Variants in CD200R1 observed in about 807,000 individuals in gnomAD.
CD200R1 encodes CD200 receptor 1.
A neutral mutation model predicts 38.1 loss-of-function variants in CD200R1; 30 were observed. The ratio of observed to expected loss-of-function variants is 0.79; its 90% CI spans 0.59 to 1.07. CD200R1 has a LOEUF of 1.07. CD200R1 is among the 50% of genes least tolerant of loss of function. The probability of loss-of-function intolerance (pLI) is 0.00; values close to 1 mark genes in which losing one functional copy is unlikely to be tolerated. For missense variants in CD200R1, 372 were observed against 415.4 expected (o/e 0.90, Z 0.91); for synonymous variants, 128 against 152.1 (o/e 0.84, Z 1.16).
chr3:112,965,026 T>C (rs1576154080), intron 1 of CD200R1, among the ~76,000 whole-genome samples: 1 of 152,218 alleles, frequency 6.6e-6, no homozygotes, highest in Admixed American at 6.5e-5. Context: ...ACCATTATTA[T>C]AAGACCTTCC....
chr3:112,924,355 A>T, intron 7 of CD200R1, 135 bp downstream of exon 7: 1 of 480,692 alleles, frequency 2.1e-6, no homozygotes. Flanking sequence ...GTAATCACAC[A>T]TATAAGCACT....
chr3:112,945,620 G>GTTAT (rs1940830957), intron 2 of CD200R1, among the ~76,000 whole-genome samples: 2 of 152,132 alleles, frequency 1.3e-5, no homozygotes, highest in Non-Finnish European at 2.9e-5. Flanking sequence ...GGTAACATAA[G>GTTAT]AGAAAGTCCA....
In CD200R1 at chr3:112,925,139, A is replaced by G. The variant is rs767945630; in HGVS notation, c.824T>C (p.Ile275Thr). 6.2e-6 allele frequency: 10 copies of G among 1,608,278 alleles called. No homozygotes were observed. In the South Asian group the frequency reaches 9.9e-5, roughly 16 times the overall value. ...KLYIPYIILTIIILTIVGFIW... is the reference protein window; with the variant it reads ...KLYIPYIILTTIILTIVGFIW... ...GAATCCCACGATGGTCAAAATAATA[A>G]TAGTAAGGATGATATATGGAATATA... Residue 275 changes from isoleucine to threonine, a missense_variant, in exon 6 of 8, where the codon ATT (isoleucine) becomes ACT (threonine). Coordinates refer to ENST00000308611, the MANE Select transcript of CD200R1 (RefSeq NM_138806.4).
At chr3:112,962,341 T>C (rs1933043502) in intron 1 of CD200R1, among the ~76,000 whole-genome samples, 1 of 152,338 alleles carries the variant, frequency 6.6e-6, no homozygotes, top group East Asian at 1.9e-4. Context: ...TGAATACATA[T>C]GCATATTAAC....
At chr3:112,929,141 C>T (rs9868053) in intron 4 of CD200R1, 49 bp downstream of exon 4, 889,337 of 1,611,224 alleles carry the variant, frequency 0.55, 247,900 homozygotes, top group East Asian at 0.7. Context: ...CATTTGTTTC[C>T]GTCACAAATC....
In CD200R1 at chr3:112,921,289, C is replaced by T. The variant is rs538861730; in HGVS notation, c.*2388G>A. The T allele has an allele frequency of 2.6e-5, 4 of 152,042 alleles. No individual in the cohort carries two copies. Among genetic ancestry groups the T allele is most frequent in the East Asian group, 1.9e-4 (1 of 5,162 alleles). The allele number at this position is 152,042 out of a possible 1,614,324, so 9.4% of individuals were successfully genotyped here. ...AAACTATGTCAACATTTACCAAAGT[C>T]CACATTTTAAATATGTGCAAAATTT... On this transcript the variant is annotated 3_prime_UTR_variant, in exon 8 of 8. Transcript: ENST00000308611.
At chr3:112,926,705 G>C (rs748981613) in intron 5 of CD200R1, among the ~76,000 whole-genome samples, 4 of 152,016 alleles carry the variant, frequency 2.6e-5, no homozygotes, top group Non-Finnish European at 4.4e-5. Flanking sequence ...TATAAATAAA[G>C]GTGGTTTCAA....
In CD200R1 at chr3:112,925,072, C is replaced by T. The variant is rs1482718485; in HGVS notation, c.878+13G>A. The T allele has an allele frequency of 6.2e-6, 9 of 1,449,964 alleles. No individual in the cohort carries two copies. The highest frequency in any genetic ancestry group is 8.7e-6 in the Non-Finnish European group (9 of 1,033,304). The allele number at this position is 1,449,964 out of a possible 1,614,324, so 89.8% of individuals were successfully genotyped here. A position where few individuals can be genotyped will look rare whatever the true frequency, so the allele number is the denominator to read the frequency against. ...TAAAGCTGAAGAAGAAAAAAACATT[C>T]ATTAGTCAATACCTGCAGCCATTGA... is the stretch of plus-strand genomic sequence containing the variant. On this transcript the variant is annotated intron_variant, in intron 6 of 7. Coordinates refer to ENST00000308611, the MANE Select transcript of CD200R1 (RefSeq NM_138806.4).
intron 1 of CD200R1, among the ~76,000 whole-genome samples, chr3:112,972,699 C>T (rs1311627134): frequency 6.6e-6 from 1 of 152,022 alleles, no homozygotes; most frequent in Non-Finnish European, 1.5e-5. Flanking sequence ...TTACTAACTG[C>T]CAAGCTGCTT....
At chr3:112,938,820 G>T (rs1940647073) in intron 2 of CD200R1, among the ~76,000 whole-genome samples, 1 of 151,666 alleles carries the variant, frequency 6.6e-6, no homozygotes, top group Non-Finnish European at 1.5e-5. Context: ...AACCAGATAA[G>T]ACACAGCAAA....
intron 2 of CD200R1, among the ~76,000 whole-genome samples, chr3:112,941,780 T>G (rs965271827): frequency 6.6e-6 from 1 of 151,588 alleles, no homozygotes; most frequent in Non-Finnish European, 1.5e-5. Context: ...CACCTAGATG[T>G]ATTATTTTCA....
intron 1 of CD200R1, among the ~76,000 whole-genome samples, chr3:112,972,974 C>CT (rs1188080203): frequency 6.6e-6 from 1 of 152,094 alleles, no homozygotes; most frequent in Non-Finnish European, 1.5e-5. Flanking sequence ...AAGTAATATG[C>CT]TTTTTTAAAT....
At chr3:112,929,546 A>G in intron 3 of CD200R1, 39 bp from the exon 4 acceptor site, 1 of 1,532,072 alleles carries the variant, frequency 6.5e-7, no homozygotes, top group Non-Finnish European at 8.8e-7. Context: ...AAAGCTTGAT[A>G]AAGAACTTCA....
chr3:112,940,018 A>G (rs1025440785), intron 2 of CD200R1, among the ~76,000 whole-genome samples: 1 of 151,926 alleles, frequency 6.6e-6, no homozygotes, highest in Admixed American at 6.6e-5. Flanking sequence ...ATTAGTCCAC[A>G]TATATACAGT....
chr3:112,940,240 A>G (rs1940697504), intron 2 of CD200R1, among the ~76,000 whole-genome samples: 1 of 151,866 alleles, frequency 6.6e-6, no homozygotes, highest in South Asian at 2.1e-4. Flanking sequence ...CCGATGAAAT[A>G]CTTCAGGACA....
At chr3:112,925,011 G>A (rs548879241) in intron 6 of CD200R1, 74 bp downstream of exon 6, 9 of 859,462 alleles carry the variant, frequency 1.0e-5, no homozygotes, top group African/African-American at 1.7e-5. Flanking sequence ...TACCCAATAC[G>A]GTCAGTTCCA....
chr3:112,975,045 T>C lies in CD200R1; in HGVS notation c.-188A>G. ...CGTCTATGTGGTTTAGCCTGGTTAGTAACTTGGACGAACAGAAGCTTTTCT... is the reference window on the plus strand; with the variant it reads ...CGTCTATGTGGTTTAGCCTGGTTAGCAACTTGGACGAACAGAAGCTTTTCT... On this transcript the variant is annotated 5_prime_UTR_variant, in exon 1 of 8. Coordinates refer to ENST00000308611, the MANE Select transcript of CD200R1 (RefSeq NM_138806.4). 1.8e-6 allele frequency: 1 copy of C among 565,452 alleles called. No individual in the cohort carries two copies. The highest frequency in any genetic ancestry group is 3.2e-6 in the Non-Finnish European group (1 of 316,016). 35.0% of individuals were successfully genotyped at this position (565,452 alleles called of 1,614,324 possible). A position where few individuals can be genotyped will look rare whatever the true frequency, so the allele number is the denominator to read the frequency against.
At chr3:112,971,698 G>A (rs1933313434) in intron 1 of CD200R1, among the ~76,000 whole-genome samples, 1 of 152,054 alleles carries the variant, frequency 6.6e-6, no homozygotes, top group South Asian at 2.1e-4. Flanking sequence ...ATTGTCTACT[G>A]ACTAATACCC....
rs189353995 is a variant in CD200R1 at position 112,924,383 on chromosome 3, T to A, written c.924+107A>T. 6 of 800,856 alleles carry A rather than the reference T, an allele frequency of 7.5e-6. No individual in the cohort carries two copies. In the East Asian group the frequency reaches 1.7e-4, roughly 23 times the overall value. The allele number at this position is 800,856 out of a possible 1,614,324, so 49.6% of individuals were successfully genotyped here. A position where few individuals can be genotyped will look rare whatever the true frequency, so the allele number is the denominator to read the frequency against. On this transcript the variant is annotated intron_variant, in intron 7 of 7. Transcript: ENST00000308611. ...TAAGCACTGCAAGTCAGAACTGTTTTAGTTTTTCAACTGAAACACTAATAT... is the reference window on the plus strand; with the variant it reads ...TAAGCACTGCAAGTCAGAACTGTTTAAGTTTTTCAACTGAAACACTAATAT...
Sources: allele counts gnomAD v4.1 joint callset (sites outside exome capture counted in the v4.1 genomes callset), GRCh38; gene constraint gnomAD v4.1.1; transcripts MANE v1.5; gene names NCBI Gene and HGNC (gene_info 2026-07-23, HGNC 2026-07-21).